Variants in MGAT5 observed in about 807,000 individuals in gnomAD.
The protein encoded by MGAT5 is alpha-1,6-mannosylglycoprotein 6-beta-N-acetylglucosaminyltransferase, also known as alpha-1,6-mannosylglycoprotein 6-beta-N-acetylglucosaminyltransferase A.
MGAT5 carries 30 observed loss-of-function variants against 94.3 expected under a neutral mutation model. The ratio of observed to expected loss-of-function variants is 0.32; its 90% CI spans 0.24 to 0.43. The LOEUF is 0.43. MGAT5 is among the 20% of genes least tolerant of loss of function. The pLI is 1.00. For synonymous variants in MGAT5, 310 were observed against 322.9 expected, an observed-to-expected ratio of 0.96 and a Z score of 0.43; for missense variants, 691 against 905.5, an observed-to-expected ratio of 0.76 and a Z score of 3.04.
chr2:134,248,684 C>G (rs996386989), intron 1 of MGAT5, among the ~76,000 whole-genome samples: 3 of 55,466 alleles, frequency 5.4e-5, no homozygotes, highest in African/African-American at 2.1e-4. Flanking sequence ...CAGCGCTGTC[C>G]TATGTGAATG....
At chr2:134,385,786 G>T (rs970238292) in intron 10 of MGAT5, among the ~76,000 whole-genome samples, 1 of 152,196 alleles carries the variant, frequency 6.6e-6, no homozygotes, top group African/African-American at 2.4e-5. Flanking sequence ...AGCCACTGAA[G>T]ATAATATTGG....
chr2:134,381,135 A>G (rs1681514919), intron 10 of MGAT5, among the ~76,000 whole-genome samples: 1 of 152,036 alleles, frequency 6.6e-6, no homozygotes, highest in African/African-American at 2.4e-5. Context: ...TCATGGGAAG[A>G]TTGAATTTTG....
intron 11 of MGAT5, among the ~76,000 whole-genome samples, chr2:134,408,792 T>C (rs1054203483): frequency 1.3e-5 from 2 of 152,230 alleles, no homozygotes; most frequent in African/African-American, 4.8e-5. Flanking sequence ...GAAAAATTGT[T>C]TTCTTCATAC....
intron 1 of MGAT5, among the ~76,000 whole-genome samples, chr2:134,239,060 G>T (rs966038148): frequency 6.6e-6 from 1 of 152,108 alleles, no homozygotes; most frequent in Non-Finnish European, 1.5e-5. Flanking sequence ...GTGCAGTGGC[G>T]CCATCTCACC....
intron 14 of MGAT5, among the ~76,000 whole-genome samples, chr2:134,431,784 C>CAGACGG (rs71400509): frequency 0.069 from 10,433 of 152,186 alleles, 453 homozygotes; most frequent in East Asian, 0.12. Flanking sequence ...CAGTGGGAGC[C>CAGACGG]AGACGGAGCC....
At chr2:134,439,273 G>A (rs116388705) in intron 14 of MGAT5, among the ~76,000 whole-genome samples, 1 of 152,200 alleles carries the variant, frequency 6.6e-6, no homozygotes, top group African/African-American at 2.4e-5. Flanking sequence ...GCTTCAGACT[G>A]TTAGGTATTT....
chr2:134,186,042 C>A (rs936066935), intron 1 of MGAT5, among the ~76,000 whole-genome samples: 4 of 152,146 alleles, frequency 2.6e-5, no homozygotes, highest in African/African-American at 9.7e-5. Flanking sequence ...GCTTGGGGCT[C>A]GGGGCTCACA....
chr2:134,322,864 A>G (rs1252495508), intron 4 of MGAT5, among the ~76,000 whole-genome samples: 3 of 152,162 alleles, frequency 2.0e-5, no homozygotes, highest in East Asian at 3.8e-4. Context: ...TGATCAACAC[A>G]TGCACCAGTG....
rs1686273684 is a variant in MGAT5, at chr2:134,454,572, TAGAGA to T, written c.*5727_*5731del. 6.6e-6 allele frequency: 1 copy of T among 152,180 alleles called. No individual in the cohort carries two copies. The highest frequency in any genetic ancestry group is 2.4e-5 in the African/African-American group (1 of 41,440). 9.4% of individuals were successfully genotyped at this position (152,180 alleles called of 1,614,324 possible). On this transcript the variant is annotated 3_prime_UTR_variant, in exon 16 of 16. Transcript: ENST00000281923. The stretch of plus-strand genomic sequence containing the variant: ...AGCACTGCTTTGTTTTCCACTGTTG[TAGAGA>T]AAACTAGGGAGAACTTTATTTTTCA...
chr2:134,377,272 A>C (rs1007679775), intron 10 of MGAT5, among the ~76,000 whole-genome samples: 21 of 152,186 alleles, frequency 1.4e-4, no homozygotes, highest in Non-Finnish European at 2.6e-4. Context: ...GGCATCCCTC[A>C]TGCATTGGCT....
Position 134,140,812 on chromosome 2 carries a change from A to AGT in MGAT5, c.-143+20522_-143+20523insTG, listed in dbSNP as rs147956151. ...GGGCACTACTGTTCTGATTAGAGAGAGGAGGAAACTAAGGCACGGAGAGGT... is the reference window on the plus strand; with the variant it reads ...GGGCACTACTGTTCTGATTAGAGAGAGTGGAGGAAACTAAGGCACGGAGAGGT... On this transcript the variant is annotated intron_variant, in intron 1 of 16. Transcript: ENST00000409645. 5.2e-3 allele frequency among the ~76,000 whole-genome samples: 794 copies of AGT among 152,340 alleles called. 2 individuals carry two copies. Among genetic ancestry groups the AGT allele is most frequent in the Non-Finnish European group, 9.1e-3 (620 of 68,034 alleles).
chr2:134,415,431 C>T (rs1392688049), intron 12 of MGAT5, among the ~76,000 whole-genome samples: 1 of 152,136 alleles, frequency 6.6e-6, no homozygotes, highest in Non-Finnish European at 1.5e-5. Context: ...CGAGAAATGT[C>T]TTCAGGTTAT....
intron 4 of MGAT5, among the ~76,000 whole-genome samples, chr2:134,320,724 C>T (rs748474966): frequency 2.4e-4 from 37 of 152,254 alleles, no homozygotes; most frequent in Non-Finnish European, 3.5e-4. Context: ...ATATTCTTGC[C>T]ATAGTTTTCC....
intron 1 of MGAT5, among the ~76,000 whole-genome samples, chr2:134,133,668 A>C (rs1047318536): frequency 6.6e-6 from 1 of 152,222 alleles, no homozygotes; most frequent in African/African-American, 2.4e-5. Flanking sequence ...GGGTTGCAGC[A>C]GAGAAAGGTT....
intron 1 of MGAT5, among the ~76,000 whole-genome samples, chr2:134,189,683 C>T (rs906840348): frequency 2.8e-5 from 4 of 144,552 alleles, no homozygotes; most frequent in African/African-American, 1.0e-4. Flanking sequence ...CTCACTGCAA[C>T]CTCTGCCTCC....
chr2:134,267,109 A>G (rs3791275), intron 1 of MGAT5, among the ~76,000 whole-genome samples: 21,936 of 152,106 alleles, frequency 0.14, 2,548 homozygotes, highest in East Asian at 0.36. Context: ...GTTGTTACAC[A>G]AACACATGGC....
At chr2:134,128,737 A>T (rs1685975180) in intron 1 of MGAT5, among the ~76,000 whole-genome samples, 1 of 152,104 alleles carries the variant, frequency 6.6e-6, no homozygotes, top group South Asian at 2.1e-4. Flanking sequence ...TTTTTAAAAA[A>T]AATTTTAGTT....
chr2:134,263,806 A>T (rs62165756), intron 1 of MGAT5, among the ~76,000 whole-genome samples: 21,570 of 152,002 alleles, frequency 0.14, 2,537 homozygotes, highest in East Asian at 0.36. Context: ...GTGAATTTTT[A>T]TGTAAAATTA....
At chr2:134,142,105 G>A (rs1271462719) in intron 1 of MGAT5, among the ~76,000 whole-genome samples, 4 of 152,156 alleles carry the variant, frequency 2.6e-5, no homozygotes, top group South Asian at 2.1e-4. Context: ...GGAGGCTGAC[G>A]CTTAATTCTG....
Sources: gnomAD v4.1 joint callset for allele counts (sites outside exome capture counted in the v4.1 genomes callset) on GRCh38, gnomAD v4.1.1 for gene constraint, MANE v1.5 for transcripts, NCBI Gene and HGNC (gene_info 2026-07-23, HGNC 2026-07-21) for gene names.